Variants in MTUS2 observed in about 807,000 individuals in gnomAD.
MTUS2 encodes the protein microtubule-associated tumor suppressor candidate 2.
MTUS2 carries 40 observed loss-of-function variants against 114.1 expected under a neutral mutation model. The observed-to-expected ratio is 0.35, with a 90% CI of 0.27 to 0.46. MTUS2 has a LOEUF of 0.46. MTUS2 is among the 20% of genes least tolerant of loss of function. The pLI is 1.00. For missense variants in MTUS2, 1,679 were observed against 1,705.4 expected, an observed-to-expected ratio of 0.98 and a Z score of 0.27; for synonymous variants, 688 against 672.0, an observed-to-expected ratio of 1.02 and a Z score of -0.37.
At chr13:29,203,845 G>A (rs1205366048) in intron 5 of MTUS2, among the ~76,000 whole-genome samples, 1 of 152,134 alleles carries the variant, frequency 6.6e-6, no homozygotes, top group African/African-American at 2.4e-5. Flanking sequence ...CACCCCCCAT[G>A]GGCTGCATCC....
At position 29,359,631 on chromosome 13, in the gene MTUS2, C is replaced by T. The variant is rs116274130; in HGVS notation, c.3117+158C>T. Reference sequence around the variant, plus strand: ...TCAGGCAGAATCTCCTGAGGCATCCCATCATCTTTGGGGAGCCACGTTTAT... The same window carrying T: ...TCAGGCAGAATCTCCTGAGGCATCCTATCATCTTTGGGGAGCCACGTTTAT... On this transcript the variant is annotated intron_variant, in intron 8 of 15. Transcript: ENST00000612955. Among the ~76,000 whole-genome samples the T allele has an allele frequency of 7.5e-3, 1,147 of 152,278 alleles. 10 individuals are homozygous for T. The highest frequency in any genetic ancestry group is 0.026 in the African/African-American group (1,087 of 41,544).
intron 5 of MTUS2, among the ~76,000 whole-genome samples, chr13:29,260,161 T>G (rs997417135): frequency 3.3e-5 from 5 of 152,224 alleles, no homozygotes; most frequent in African/African-American, 1.2e-4. Context: ...CACTAAACCA[T>G]GATGATTTAA....
intron 4 of MTUS2, among the ~76,000 whole-genome samples, chr13:29,086,321 C>G (rs1889690895): frequency 6.6e-6 from 1 of 152,096 alleles, no homozygotes; most frequent in South Asian, 2.1e-4. Flanking sequence ...GTTACAATTG[C>G]TTTTGGAGAC....
At chr13:29,451,071 C>A (rs920807378) in intron 9 of MTUS2, among the ~76,000 whole-genome samples, 1 of 152,136 alleles carries the variant, frequency 6.6e-6, no homozygotes, top group African/African-American at 2.4e-5. Context: ...AAGACCTGAA[C>A]AACGCTATCT....
At chr13:28,999,379 A>C (rs1593370374) in intron 2 of MTUS2, among the ~76,000 whole-genome samples, 1 of 152,256 alleles carries the variant, frequency 6.6e-6, no homozygotes, top group African/African-American at 2.4e-5. Flanking sequence ...CTCAGATCTC[A>C]AGTTAAGTTC....
intron 8 of MTUS2, among the ~76,000 whole-genome samples, chr13:29,411,430 T>C (rs1875229724): frequency 1.3e-5 from 2 of 152,206 alleles, no homozygotes; most frequent in Admixed American, 6.5e-5. Context: ...CACCAGTCTA[T>C]GGTATACACA....
chr13:28,980,915 T>G (rs542620409), intron 2 of MTUS2, among the ~76,000 whole-genome samples: 2 of 152,374 alleles, frequency 1.3e-5, no homozygotes, highest in East Asian at 3.9e-4. Context: ...GGCTTATTAA[T>G]AACCACACTA....
intron 5 of MTUS2, among the ~76,000 whole-genome samples, chr13:29,203,402 T>C (rs1295099669): frequency 6.6e-6 from 1 of 152,146 alleles, no homozygotes; most frequent in African/African-American, 2.4e-5. Context: ...CAGACTGCTG[T>C]GCTGGCAGCG....
intron 2 of MTUS2, among the ~76,000 whole-genome samples, chr13:28,878,384 G>A (rs3011027): frequency 0.24 from 36,845 of 151,878 alleles, 6,977 homozygotes; most frequent in African/African-American, 0.53. Context: ...CAGGTTTGTT[G>A]CATATGTAAA....
At chr13:29,204,478 G>A (rs553175938) in intron 5 of MTUS2, among the ~76,000 whole-genome samples, 17 of 152,338 alleles carry the variant, frequency 1.1e-4, no homozygotes, top group Middle Eastern at 6.8e-3. Flanking sequence ...GCACCTCCAG[G>A]CCTCTGGGAC....
intron 7 of MTUS2, among the ~76,000 whole-genome samples, chr13:29,343,411 A>G (rs1196737741): frequency 6.6e-6 from 1 of 151,944 alleles, no homozygotes; most frequent in Non-Finnish European, 1.5e-5. Context: ...GAATTTTTCC[A>G]TCTCCTCTAG....
At chr13:28,835,889 G>A (rs147627737) in intron 1 of MTUS2, among the ~76,000 whole-genome samples, 8 of 152,262 alleles carry the variant, frequency 5.3e-5, no homozygotes, top group South Asian at 2.1e-4. Context: ...TGAGCTTTTC[G>A]TGTAGGGACA....
At chr13:28,890,851 C>A (rs1317323815) in intron 2 of MTUS2, among the ~76,000 whole-genome samples, 2 of 152,188 alleles carry the variant, frequency 1.3e-5, no homozygotes, top group African/African-American at 4.8e-5. Context: ...GATTCCACTT[C>A]ATTTGAGCCA....
At chr13:28,926,175 G>A (rs1881318144) in intron 2 of MTUS2, among the ~76,000 whole-genome samples, 1 of 152,136 alleles carries the variant, frequency 6.6e-6, no homozygotes, top group African/African-American at 2.4e-5. Flanking sequence ...CAAATCCCAA[G>A]CTAATCTGTT....
chr13:29,287,103 A>T (rs1898522855), intron 6 of MTUS2, among the ~76,000 whole-genome samples: 2 of 152,272 alleles, frequency 1.3e-5, no homozygotes, highest in Non-Finnish European at 2.9e-5. Flanking sequence ...TTACAGATGC[A>T]GCAAGTGAAA....
At chr13:29,265,983 G>A (rs985018769) in intron 5 of MTUS2, among the ~76,000 whole-genome samples, 9 of 152,070 alleles carry the variant, frequency 5.9e-5, no homozygotes, top group Admixed American at 2.6e-4. Context: ...AAAAAGCACC[G>A]CCATTCTCTA....
At chr13:29,044,893 G>A (rs1177571743) in intron 4 of MTUS2, among the ~76,000 whole-genome samples, 2 of 152,134 alleles carry the variant, frequency 1.3e-5, no homozygotes, top group Non-Finnish European at 2.9e-5. Context: ...TCTATCTCAT[G>A]TGCTTGTGGT....
chr13:28,821,188 A>T (rs1242135639), intron 1 of MTUS2, among the ~76,000 whole-genome samples: 2 of 152,202 alleles, frequency 1.3e-5, no homozygotes, highest in Non-Finnish European at 2.9e-5. Context: ...GTTATGTGTG[A>T]TTACCAGAGC....
intron 2 of MTUS2, among the ~76,000 whole-genome samples, chr13:28,937,966 T>C (rs1039218192): frequency 6.6e-6 from 1 of 152,158 alleles, no homozygotes; most frequent in East Asian, 1.9e-4. Context: ...ACCCACACTT[T>C]CCCATTTATC....
Sources: gnomAD v4.1 joint callset for allele counts (sites outside exome capture counted in the v4.1 genomes callset) on GRCh38, gnomAD v4.1.1 for gene constraint, MANE v1.5 for transcripts, NCBI Gene and HGNC (gene_info 2026-07-23, HGNC 2026-07-21) for gene names.